The following CDK13 variants were observed in gnomAD, a reference collection of about 807,000 sequenced individuals.
The protein encoded by CDK13 is cyclin-dependent kinase 13.
In CDK13, 40 loss-of-function variants were observed where a neutral mutation model predicts 137.6. The observed-to-expected ratio is 0.29, with a 90% CI of 0.23 to 0.38. The LOEUF (loss-of-function observed/expected upper bound fraction) is 0.38, where lower values mean the gene tolerates loss of function less well. CDK13 is among the 10% of genes least tolerant of loss of function. The pLI is 1.00. For missense variants in CDK13, 1,704 were observed against 1,951.8 expected, an observed-to-expected ratio of 0.87 and a Z score of 2.39; for synonymous variants, 869 against 760.1, an observed-to-expected ratio of 1.14 and a Z score of -2.36.
intron 1 of CDK13, among the ~76,000 whole-genome samples, chr7:39,973,437 T>C (rs1032150044): frequency 2.0e-5 from 3 of 152,186 alleles, no homozygotes; most frequent in Admixed American, 6.5e-5. Flanking sequence ...TGCCTGGCCT[T>C]CTTTGCCCAT....
rs190663811 is a variant in CDK13, at chr7:40,033,342, A to G, written c.2354-12494A>G. 3.0e-3 allele frequency among the ~76,000 whole-genome samples: 456 copies of G among 152,282 alleles called. 1 individual carries two copies. Among genetic ancestry groups the G allele is most frequent in the Non-Finnish European group, 4.4e-3 (296 of 68,024 alleles). ...CCTTTTTTCCATTAGAGCTCTAGGA[A>G]TATTAATTAGAGCTTTAAAAAAATT... On this transcript the variant is annotated intron_variant, in intron 5 of 13. Coordinates refer to ENST00000181839, the MANE Select transcript of CDK13 (RefSeq NM_003718.5).
intron 5 of CDK13, among the ~76,000 whole-genome samples, chr7:40,027,655 C>CT (rs761581418): frequency 0.052 from 4,630 of 89,470 alleles, 290 homozygotes; most frequent in African/African-American, 0.16. Flanking sequence ...CACCCTTGGG[C>CT]TTTTTTTTTT....
chr7:40,023,781 G>A (rs1327543175), intron 5 of CDK13, among the ~76,000 whole-genome samples: 3 of 152,098 alleles, frequency 2.0e-5, no homozygotes, highest in East Asian at 1.9e-4. Flanking sequence ...CACCACGCCC[G>A]GCCCTGGATT....
At chr7:40,090,626 C>CGTAA (rs1175254108) in intron 12 of CDK13, among the ~76,000 whole-genome samples, 7 of 151,710 alleles carry the variant, frequency 4.6e-5, no homozygotes, top group Admixed American at 4.6e-4. Flanking sequence ...GGCTCATGCC[C>CGTAA]GTAATCCCAG....
intron 3 of CDK13, chr7:39,998,442 C>CAAAAAAAAAAAAA (rs1784609425): frequency 1.4e-5 from 1 of 72,618 alleles, no homozygotes; most frequent in African/African-American, 7.5e-5. Flanking sequence ...CCCATCTCTA[C>CAAAAAAAAAAAAA]CAAAAAAAAA....
At chr7:40,042,477 C>CTTTTTTTTTTT (rs5883713) in intron 5 of CDK13, among the ~76,000 whole-genome samples, 1 of 76,124 alleles carries the variant, frequency 1.3e-5, no homozygotes, top group Non-Finnish European at 2.4e-5. Context: ...TCTTTTCTTT[C>CTTTTTTTTTTT]TTTTTTTTTT....
chr7:39,952,010 C>A, intron 1 of CDK13, 158 bp downstream of exon 1: 1 of 705,016 alleles, frequency 1.4e-6, no homozygotes, highest in African/African-American at 1.8e-5. Flanking sequence ...CGTTTTCGCG[C>A]GCGTGACACT....
chr7:40,060,166 A>T (rs1034970537), intron 7 of CDK13, among the ~76,000 whole-genome samples: 2 of 152,196 alleles, frequency 1.3e-5, no homozygotes, highest in African/African-American at 4.8e-5. Context: ...TTAGAATTTG[A>T]TATACAATAT....
rs766929671 is a variant in CDK13 at position 40,094,283 on chromosome 7, A to G, written c.3842A>G (p.Asn1281Ser). The change falls in exon 14 of 14, where the codon AAC becomes AGC. Residue 1281 changes from asparagine to serine, a missense_variant. Coordinates refer to ENST00000181839, the MANE Select transcript of CDK13 (RefSeq NM_003718.5). ...TEEDLDYRTE[N>S]QHVPTTSSSL... The stretch of plus-strand genomic sequence containing the variant: ...GAAGATCTAGATTATCGGACAGAAA[A>G]CCAGCATGTACCCACCACCAGTTCT... 1 of 1,612,234 alleles carries G rather than the reference A, an allele frequency of 6.2e-7. No individual in the cohort carries two copies. The highest frequency in any genetic ancestry group is 1.3e-5 in the African/African-American group (1 of 74,812).
chr7:40,003,198 ACACACACACT>A (rs1173796457), intron 5 of CDK13, among the ~76,000 whole-genome samples: 135 of 89,452 alleles, frequency 1.5e-3, no homozygotes, highest in Admixed American at 3.7e-3. Context: ...ACACACACAC[ACACACACACT>A]CTCTCTCTCT....
At chr7:40,043,551 A>G (rs1165974229) in intron 5 of CDK13, among the ~76,000 whole-genome samples, 1 of 152,174 alleles carries the variant, frequency 6.6e-6, no homozygotes, top group Admixed American at 6.5e-5. Context: ...TGTGCGTGGT[A>G]CCTCAAACCT....
intron 2 of CDK13, among the ~76,000 whole-genome samples, chr7:39,994,909 A>T (rs947461162): frequency 6.9e-5 from 10 of 145,908 alleles, no homozygotes; most frequent in Non-Finnish European, 1.1e-4. Flanking sequence ...AGTTGTATTT[A>T]AAAAAAAAAA....
At chr7:40,030,156 CA>C (rs1785339652) in intron 5 of CDK13, among the ~76,000 whole-genome samples, 1 of 151,968 alleles carries the variant, frequency 6.6e-6, no homozygotes, top group Non-Finnish European at 1.5e-5. Context: ...TAGTTATAGC[CA>C]CTATACACTA....
intron 1 of CDK13, among the ~76,000 whole-genome samples, chr7:39,983,090 T>TG (rs1351937129): frequency 8.5e-5 from 13 of 152,236 alleles, no homozygotes; most frequent in African/African-American, 3.1e-4. Flanking sequence ...ATGAAGTCCT[T>TG]GCCCATGCCT....
At chr7:40,010,604 A>T (rs1482693348) in intron 5 of CDK13, among the ~76,000 whole-genome samples, 1 of 152,162 alleles carries the variant, frequency 6.6e-6, no homozygotes, top group Non-Finnish European at 1.5e-5. Flanking sequence ...TTCACTTGAA[A>T]CTGGGAGACA....
At chr7:40,005,486 AG>A (rs1163587793) in intron 5 of CDK13, among the ~76,000 whole-genome samples, 1 of 151,976 alleles carries the variant, frequency 6.6e-6, no homozygotes, top group Admixed American at 6.6e-5. Flanking sequence ...TAGTAGAGAC[AG>A]GGTTTCGCTA....
chr7:39,989,671 C>G (rs950407341), intron 2 of CDK13, among the ~76,000 whole-genome samples: 2 of 151,922 alleles, frequency 1.3e-5, no homozygotes, highest in Non-Finnish European at 2.9e-5. Context: ...AGGTTCATAA[C>G]AGTAGTGATT....
chr7:40,039,434 ATTTTTTTTT>A (rs976319927), intron 5 of CDK13, among the ~76,000 whole-genome samples: 8 of 84,996 alleles, frequency 9.4e-5, no homozygotes, highest in African/African-American at 1.7e-4. Context: ...TGCCCGGCTA[ATTTTTTTTT>A]TTTTTTTTTT....
In CDK13 at chr7:40,045,947, T is replaced by G. The variant is rs1471353477; in HGVS notation, c.2465T>G (p.Met822Arg). The change falls in exon 6 of 14, where the codon ATG becomes AGG. Residue 822 changes from methionine (M) to arginine (R), a missense_variant. By Grantham distance (91) the Met-to-Arg change is moderately conservative. Coordinates refer to ENST00000181839, the MANE Select transcript of CDK13 (RefSeq NM_003718.5). ...ATAAAGTCATTTATGAGACAGCTCA[T>G]GGAGGGTCTGGATTATTGTCATAAG... ...NHIKSFMRQLMEGLDYCHKKN... is the reference protein window; with the variant it reads ...NHIKSFMRQLREGLDYCHKKN... 1 of 1,612,736 alleles carries G rather than the reference T, an allele frequency of 6.2e-7. No individual in the cohort carries two copies. The highest frequency in any genetic ancestry group is 8.5e-7 in the Non-Finnish European group (1 of 1,178,868).
Sources: gnomAD v4.1 joint callset for allele counts (sites outside exome capture counted in the v4.1 genomes callset) on GRCh38, gnomAD v4.1.1 for gene constraint, MANE v1.5 for transcripts, NCBI Gene and HGNC (gene_info 2026-07-23, HGNC 2026-07-21) for gene names.